EIF3L: variants seen among roughly 807,000 people sequenced by gnomAD.
EIF3L encodes the protein eIEF associated protein HSPC021.
A neutral mutation model predicts 74.6 loss-of-function variants in EIF3L; 32 were observed. The observed-to-expected ratio is 0.43, with a 90% CI of 0.32 to 0.58. EIF3L has a LOEUF of 0.58. Among genes scored for constraint, EIF3L ranks in the 20% least tolerant of loss-of-function variants. EIF3L has a pLI of 0.06. For missense variants in EIF3L, 474 were observed against 707.8 expected (o/e 0.67, Z 3.75); for synonymous variants, 256 against 254.4 (o/e 1.01, Z -0.06).
At chr22:37,886,162 C>G (rs925013192) in intron 11 of EIF3L, 8 of 147,194 alleles carry the variant, frequency 5.4e-5, no homozygotes, top group Admixed American at 4.8e-4. Flanking sequence ...CCACTGCACT[C>G]CAGCCTGAGT....
intron 11 of EIF3L, chr22:37,878,625 A>C (rs117648021): frequency 6.5e-6 from 1 of 154,620 alleles, no homozygotes; most frequent in Non-Finnish European, 1.4e-5. Context: ...TACCATGCCC[A>C]GCTAATTTTG....
intron 3 of EIF3L, among the ~76,000 whole-genome samples, chr22:37,855,198 T>G (rs924956594): frequency 3.9e-5 from 6 of 152,170 alleles, no homozygotes; most frequent in Non-Finnish European, 5.9e-5. Flanking sequence ...CTTCTGTGTT[T>G]AGAGACGTTT....
intron 7 of EIF3L, among the ~76,000 whole-genome samples, chr22:37,865,662 T>C (rs1246001787): frequency 2.0e-5 from 3 of 152,138 alleles, no homozygotes; most frequent in Non-Finnish European, 4.4e-5. Flanking sequence ...GAAACCTTCA[T>C]AGTGCTCCTT....
At chr22:37,851,730 A>G (rs1277213283) in intron 3 of EIF3L, among the ~76,000 whole-genome samples, 1 of 152,140 alleles carries the variant, frequency 6.6e-6, no homozygotes, top group Non-Finnish European at 1.5e-5. Flanking sequence ...CAGTGGCAAG[A>G]TCTCGGCTCA....
intron 10 of EIF3L, chr22:37,876,282 A>C: frequency 6.0e-6 from 2 of 330,616 alleles, no homozygotes; most frequent in Non-Finnish European, 5.5e-6. Context: ...GGCGCACACA[A>C]CAACACCGGC....
chr22:37,864,517 G>C (rs1209841234), intron 7 of EIF3L, among the ~76,000 whole-genome samples: 1 of 149,792 alleles, frequency 6.7e-6, no homozygotes, highest in African/African-American at 2.5e-5. Flanking sequence ...AAAAGTCCAG[G>C]TTTTGCTGTT....
chr22:37,859,443 G>A (rs1370301862), intron 5 of EIF3L, among the ~76,000 whole-genome samples: 3 of 140,032 alleles, frequency 2.1e-5, no homozygotes, highest in Admixed American at 7.4e-5. Flanking sequence ...GTACAGTGGC[G>A]CGATCTCAGC....
intron 5 of EIF3L, among the ~76,000 whole-genome samples, chr22:37,862,285 A>G (rs890575699): frequency 3.9e-5 from 6 of 152,206 alleles, no homozygotes; most frequent in African/African-American, 1.4e-4. Context: ...TGCTCATGGT[A>G]TGGTTCCCCA....
intron 3 of EIF3L, among the ~76,000 whole-genome samples, chr22:37,853,408 A>G (rs1925334001): frequency 6.6e-6 from 1 of 152,226 alleles, no homozygotes; most frequent in African/African-American, 2.4e-5. Flanking sequence ...CCTGAAAGGC[A>G]AGTGTGCTGA....
At chr22:37,860,469 C>T (rs901565090) in intron 5 of EIF3L, among the ~76,000 whole-genome samples, 3 of 152,174 alleles carry the variant, frequency 2.0e-5, no homozygotes, top group African/African-American at 7.2e-5. Flanking sequence ...ATTCTCCAGG[C>T]TCAAACGATT....
At chr22:37,863,753 A>G (rs1925989609) in intron 7 of EIF3L, among the ~76,000 whole-genome samples, 1 of 151,562 alleles carries the variant, frequency 6.6e-6, no homozygotes, top group Non-Finnish European at 1.5e-5. Flanking sequence ...GAAATGTTCT[A>G]TTATCTTTTT....
At chr22:37,875,729 C>A in intron 9 of EIF3L, 112 bp from the exon 10 acceptor site, 1 of 961,788 alleles carries the variant, frequency 1.0e-6, no homozygotes, top group Non-Finnish European at 1.5e-6. Context: ...GACTCCAGAG[C>A]TTCCTCTGGA....
chr22:37,862,953 C>T lies in EIF3L; in HGVS notation c.436-16C>T, dbSNP rs771870532. On this transcript the variant is annotated splice_polypyrimidine_tract_variant and intron_variant, in intron 5 of 12. Coordinates refer to ENST00000652021, the MANE Select transcript of EIF3L (RefSeq NM_016091.4). Reference sequence around the variant, plus strand: ...ATTAAATATCTGTATCTTGATATCTCTTGTTTTCTTTACAGGGGGGACCTT... The same window carrying T: ...ATTAAATATCTGTATCTTGATATCTTTTGTTTTCTTTACAGGGGGGACCTT... The T allele has an allele frequency of 3.8e-6, 6 of 1,593,874 alleles. No homozygotes were observed. Among genetic ancestry groups the T allele is most frequent in the Non-Finnish European group, 5.1e-6 (6 of 1,166,360 alleles).
At chr22:37,851,657 T>C in intron 3 of EIF3L, 167 bp downstream of exon 3, 1 of 591,404 alleles carries the variant, frequency 1.7e-6, no homozygotes, top group South Asian at 2.0e-5. Flanking sequence ...TTAGACTTTA[T>C]TTTATTTATG....
intron 3 of EIF3L, among the ~76,000 whole-genome samples, chr22:37,852,850 T>A (rs1255050131): frequency 6.9e-6 from 1 of 145,414 alleles, no homozygotes; most frequent in Non-Finnish European, 1.5e-5. Flanking sequence ...GGGGGTTAGT[T>A]AGTGAGGAGA....
rs916595564 is a variant in EIF3L, at chr22:37,877,499, A to C, written c.1078-175A>C. The C allele has an allele frequency of 5.6e-6, 4 of 713,262 alleles. No individual in the cohort carries two copies. The African/African-American group carries it at 7.1e-5, about 13-fold the overall frequency. The allele number at this position is 713,262 out of a possible 1,614,324, so 44.2% of individuals were successfully genotyped here. A position where few individuals can be genotyped will look rare whatever the true frequency, so the allele number is the denominator to read the frequency against. On this transcript the variant is annotated intron_variant, in intron 10 of 12. Transcript: ENST00000652021. ...TAAGGAGGATCTGGAGCTAGGATGGAAGTTAGGTAGATCTAGAGGGAGGAT... is the reference window on the plus strand; with the variant it reads ...TAAGGAGGATCTGGAGCTAGGATGGCAGTTAGGTAGATCTAGAGGGAGGAT...
intron 3 of EIF3L, among the ~76,000 whole-genome samples, chr22:37,854,211 TC>T (rs879498367): frequency 1.3e-5 from 2 of 152,134 alleles, no homozygotes; most frequent in Non-Finnish European, 2.9e-5. Flanking sequence ...CAAAGAAATG[TC>T]ACAGGAACCA....
chr22:37,849,480 G>A lies in EIF3L; in HGVS notation c.31G>A (p.Glu11Lys), dbSNP rs757244575. 5 of 1,598,862 alleles carry A rather than the reference G, an allele frequency of 3.1e-6. No homozygotes were observed. Among genetic ancestry groups the A allele is most frequent in the Non-Finnish European group, 3.4e-6 (4 of 1,169,606 alleles). The change falls in exon 1 of 13, where the codon GAG (glutamate) becomes AAG (lysine). Residue 11 changes from glutamate to lysine, a missense_variant and splice_region_variant. Transcript: ENST00000652021. MSYPADDYES[E>K]AAYDPYAYPS... ...TTATCCCGCTGATGATTATGAGTCT[G>A]AGGTAAGGTGGCCGTAAGGGCGCGG... is the stretch of plus-strand genomic sequence containing the variant.
At chr22:37,851,595 T>TG in intron 3 of EIF3L, 105 bp downstream of exon 3, 1 of 363,876 alleles carries the variant, frequency 2.7e-6, no homozygotes, top group Non-Finnish European at 5.6e-6. Context: ...TTCGGGGGGG[T>TG]TGGGGGGTGG....
Sources: allele counts gnomAD v4.1 joint callset (sites outside exome capture counted in the v4.1 genomes callset), GRCh38; gene constraint gnomAD v4.1.1; transcripts MANE v1.5; gene names NCBI Gene and HGNC (gene_info 2026-07-23, HGNC 2026-07-21).